The following PIGX variants were observed in gnomAD, a reference collection of about 807,000 sequenced individuals.
PIGX encodes the protein phosphatidylinositol glycan anchor biosynthesis class X, also known as GPI alpha-1,4-mannosyltransferase I, stabilizing subunit.
In PIGX, 24 loss-of-function variants were observed where a neutral mutation model predicts 28.7. The ratio of observed to expected loss-of-function variants is 0.84; its 90% CI spans 0.60 to 1.17. The LOEUF (loss-of-function observed/expected upper bound fraction) is 1.17. Ranked by LOEUF, PIGX falls within the 50% of genes most tolerant of loss-of-function variation. The pLI is 0.00. For missense variants in PIGX, 305 were observed against 317.8 expected (o/e 0.96, Z 0.31); for synonymous variants, 127 against 121.0 (o/e 1.05, Z -0.33).
chr3:196,720,684 T>C (rs924139507), intron 2 of PIGX, among the ~76,000 whole-genome samples: 42 of 152,322 alleles, frequency 2.8e-4, no homozygotes, highest in African/African-American at 9.1e-4. Context: ...AGCAATCATA[T>C]TTGAAAGCAA....
At chr3:196,721,811 G>T (rs561444968) in intron 2 of PIGX, among the ~76,000 whole-genome samples, 1 of 151,708 alleles carries the variant, frequency 6.6e-6, no homozygotes, top group South Asian at 2.1e-4. Context: ...GGAGTACAGG[G>T]GCATGATCTT....
At position 196,731,052 on chromosome 3, in the gene PIGX, ATG is replaced by A. The variant is rs1488786415; in HGVS notation, c.594_595del (p.Asn198LysfsTer12). 11 of 1,610,448 alleles carry A rather than the reference ATG, an allele frequency of 6.8e-6. No individual in the cohort carries two copies. In the South Asian group the frequency reaches 1.2e-4, roughly 18 times the overall value. ...GTGGCAGCCCCTTGTGCTTTGGAGAATGAGGATATCTGCCAATGGAACAAGAT... is the reference window on the plus strand; with the variant it reads ...GTGGCAGCCCCTTGTGCTTTGGAGAAAGGATATCTGCCAATGGAACAAGAT... On this transcript the variant is annotated frameshift_variant, in exon 5 of 6. Transcript: ENST00000392391. LOFTEE classifies it high-confidence loss of function.
intron 1 of PIGX, among the ~76,000 whole-genome samples, chr3:196,715,650 A>G (rs528614963): frequency 5.3e-5 from 8 of 152,280 alleles, no homozygotes; most frequent in African/African-American, 1.9e-4. Flanking sequence ...TAACAGGATT[A>G]TGTAAATAAT....
At chr3:196,718,122 A>G (rs1417309991) in intron 2 of PIGX, among the ~76,000 whole-genome samples, 4 of 152,114 alleles carry the variant, frequency 2.6e-5, no homozygotes. Context: ...CAGCGTGGCA[A>G]ACACGGTGAA....
chr3:196,728,722 A>G, intron 4 of PIGX: 1 of 766,424 alleles, frequency 1.3e-6, no homozygotes, highest in East Asian at 2.4e-5. Flanking sequence ...AAGAATGATC[A>G]GATTCCGGTT....
At chr3:196,714,586 C>T (rs1339970555) in intron 1 of PIGX, among the ~76,000 whole-genome samples, 2 of 152,014 alleles carry the variant, frequency 1.3e-5, no homozygotes, top group Admixed American at 1.3e-4. Flanking sequence ...CTCAGCCTCC[C>T]AAGTAGCGGG....
intron 1 of PIGX, among the ~76,000 whole-genome samples, chr3:196,715,465 A>G (rs1369312676): frequency 6.6e-6 from 1 of 152,232 alleles, no homozygotes; most frequent in African/African-American, 2.4e-5. Context: ...AGATCGTGAA[A>G]GTTAAAACAC....
At chr3:196,712,909 G>GA in intron 1 of PIGX, 28 of 1,043,508 alleles carry the variant, frequency 2.7e-5, no homozygotes, top group Non-Finnish European at 3.2e-5. Flanking sequence ...TTCTGAGAAG[G>GA]AAAGTCAGCC....
At position 196,731,014 on chromosome 3, in the gene PIGX, G is replaced by T; in HGVS notation, c.555G>T (p.Trp185Cys). The T allele has an allele frequency of 1.2e-6, 2 of 1,610,086 alleles. No homozygotes were observed. Among genetic ancestry groups the T allele is most frequent in the Non-Finnish European group, 1.7e-6 (2 of 1,176,822 alleles). Residue 185 changes from tryptophan to cysteine, a missense_variant, in exon 5 of 6, where the codon TGG becomes TGT. Trp to Cys is a radical substitution (Grantham distance 215). Coordinates refer to ENST00000392391, the MANE Select transcript of PIGX (RefSeq NM_017861.4). Reference sequence around the variant, plus strand: ...CAGAGTTCCCGATTTTGAAATGCTGGGCTCACTCAGAAGTGGCAGCCCCTT... The same window carrying T: ...CAGAGTTCCCGATTTTGAAATGCTGTGCTCACTCAGAAGTGGCAGCCCCTT...
At chr3:196,726,489 TAAA>T (rs1343409987) in intron 3 of PIGX, among the ~76,000 whole-genome samples, 3 of 152,024 alleles carry the variant, frequency 2.0e-5, no homozygotes, top group Non-Finnish European at 4.4e-5. Context: ...GTAGTACATA[TAAA>T]GCATAGTGAG....
chr3:196,714,025 C>T (rs779346884), intron 1 of PIGX, among the ~76,000 whole-genome samples: 1 of 152,128 alleles, frequency 6.6e-6, no homozygotes, highest in African/African-American at 2.4e-5. Context: ...TAGCCTTTCT[C>T]CGGTCCCAAT....
Position 196,730,892 on chromosome 3 carries a change from T to C in PIGX, c.533-100T>C. The C allele has an allele frequency of 4.6e-6, 3 of 649,362 alleles. No individual in the cohort carries two copies. In the Admixed American group the frequency reaches 8.0e-5, roughly 17 times the overall value. The allele number at this position is 649,362 out of a possible 1,614,324, so 40.2% of individuals were successfully genotyped here. On this transcript the variant is annotated intron_variant, in intron 4 of 5. Transcript: ENST00000392391. The stretch of plus-strand genomic sequence containing the variant: ...GGGTCCAGATCATATACATAATGTA[T>C]TAAAATGTTTGACAACTTCTGTCTA...
chr3:196,712,735 G>T, intron 1 of PIGX, 91 bp downstream of exon 1: 1 of 1,113,628 alleles, frequency 9.0e-7, no homozygotes, highest in Non-Finnish European at 1.1e-6. Flanking sequence ...GGGACCCGGC[G>T]CGGGACCTAG....
chr3:196,722,669 ATT>A, intron 3 of PIGX, 113 bp downstream of exon 3: 1 of 910,698 alleles, frequency 1.1e-6, no homozygotes, highest in Non-Finnish European at 1.7e-6. Flanking sequence ...ATAAAGTGAC[ATT>A]TTTAGAGATA....
At position 196,720,143 on chromosome 3, in the gene PIGX, A is replaced by G. The variant is rs559771802; in HGVS notation, c.177-2272A>G. Among the ~76,000 whole-genome samples, 13 of 152,368 alleles carry G rather than the reference A, an allele frequency of 8.5e-5. No individual in the cohort carries two copies. The East Asian group carries it at 2.5e-3, about 29-fold the overall frequency. ...AGTACATTCACGTTATTGTGCTACC[A>G]TCACCACCATCCATTTATGGAACTC... On this transcript the variant is annotated intron_variant, in intron 2 of 5. Transcript: ENST00000392391.
In PIGX at chr3:196,734,645, A is replaced by C. The variant is rs369227756; in HGVS notation, c.*743A>C. 34 of 152,378 alleles carry C rather than the reference A, an allele frequency of 2.2e-4. No homozygotes were observed. Among genetic ancestry groups the C allele is most frequent in the African/African-American group, 8.2e-4 (34 of 41,590 alleles). The allele number at this position is 152,378 out of a possible 1,614,324, so 9.4% of individuals were successfully genotyped here. A position where few individuals can be genotyped will look rare whatever the true frequency, so the allele number is the denominator to read the frequency against. ...AATAGTAATGTCATGAGACTATTAA[A>C]GATGTGCCAGAGTTTCAATGAAAAT... is the stretch of plus-strand genomic sequence containing the variant. On this transcript the variant is annotated 3_prime_UTR_variant, in exon 6 of 6. Coordinates refer to ENST00000392391, the MANE Select transcript of PIGX (RefSeq NM_017861.4).
At chr3:196,716,249 C>T (rs1053955967) in intron 1 of PIGX, among the ~76,000 whole-genome samples, 2 of 148,390 alleles carry the variant, frequency 1.3e-5, no homozygotes, top group Non-Finnish European at 3.0e-5. Flanking sequence ...TGAACCTTTA[C>T]GTGCCTCCAG....
chr3:196,729,772 AAGTT>A (rs1038838061), intron 4 of PIGX, among the ~76,000 whole-genome samples: 1 of 150,504 alleles, frequency 6.6e-6, no homozygotes, highest in African/African-American at 2.4e-5. Flanking sequence ...ATGTTTATAA[AAGTT>A]AGTAGCACTG....
chr3:196,719,925 G>A (rs574806622), intron 2 of PIGX, among the ~76,000 whole-genome samples: 9 of 152,060 alleles, frequency 5.9e-5, no homozygotes, highest in East Asian at 1.9e-4. Context: ...GATTACAGGC[G>A]CCTGCCACCA....
Sources: gnomAD v4.1 joint callset for allele counts (sites outside exome capture counted in the v4.1 genomes callset) on GRCh38, gnomAD v4.1.1 for gene constraint, MANE v1.5 for transcripts, NCBI Gene and HGNC (gene_info 2026-07-23, HGNC 2026-07-21) for gene names.